STARD13: variants seen among roughly 807,000 people sequenced by gnomAD.
STARD13 encodes the protein stAR-related lipid transfer protein 13.
Under a neutral mutation model 106.4 loss-of-function variants are expected in STARD13, and 62 were observed. That is an observed-to-expected ratio of 0.58 (90% CI 0.48 to 0.72). The LOEUF (loss-of-function observed/expected upper bound fraction) is 0.72. Among genes scored for constraint, STARD13 ranks in the 30% least tolerant of loss-of-function variants. The probability of loss-of-function intolerance (pLI) is 0.00; values close to 1 mark genes in which losing one functional copy is unlikely to be tolerated. For synonymous variants in STARD13, 565 were observed against 553.0 expected (o/e 1.02, Z -0.31); for missense variants, 1,387 against 1,424.0 (o/e 0.97, Z 0.42).
At chr13:33,274,230 T>C (rs1001269371) in intron 1 of STARD13, among the ~76,000 whole-genome samples, 2 of 152,088 alleles carry the variant, frequency 1.3e-5, no homozygotes, top group Non-Finnish European at 2.9e-5. Flanking sequence ...TATTTGAAGA[T>C]AGGGCCCTTA....
At chr13:33,337,209 A>T (rs2077906881) in intron 1 of STARD13, among the ~76,000 whole-genome samples, 1 of 152,212 alleles carries the variant, frequency 6.6e-6, no homozygotes, top group African/African-American at 2.4e-5. Flanking sequence ...GATAGGCTTT[A>T]TTACTACCTC....
At chr13:33,434,160 C>A in the STARD13 span, among the ~76,000 whole-genome samples, 1 of 152,014 alleles carries the variant, frequency 6.6e-6, no homozygotes, top group Non-Finnish European at 1.5e-5. Context: ...CAAGACCAGC[C>A]TGGCCAACAT....
At chr13:33,529,734 T>G in the STARD13 span, among the ~76,000 whole-genome samples, 1 of 152,158 alleles carries the variant, frequency 6.6e-6, no homozygotes, top group African/African-American at 2.4e-5. Flanking sequence ...TGGTAACCTT[T>G]AAACTAAATT....
chr13:33,404,148 T>G, the STARD13 span, among the ~76,000 whole-genome samples: 10 of 152,226 alleles, frequency 6.6e-5, no homozygotes, highest in Non-Finnish European at 1.3e-4. Context: ...TCATGGGTAG[T>G]GGGAAAGACG....
intron 1 of STARD13, among the ~76,000 whole-genome samples, chr13:33,210,012 A>C (rs1412330807): frequency 1.3e-5 from 2 of 152,190 alleles, no homozygotes; most frequent in East Asian, 3.9e-4. Flanking sequence ...GTCCAGTTCC[A>C]GCTTCATGCA....
At chr13:33,221,167 T>C (rs1594125526) in intron 1 of STARD13, among the ~76,000 whole-genome samples, 1 of 152,212 alleles carries the variant, frequency 6.6e-6, no homozygotes, top group Non-Finnish European at 1.5e-5. Flanking sequence ...ATTAAATATA[T>C]ATTTATGCAA....
chr13:33,108,021 CG>C (rs1874006686), intron 12 of STARD13, among the ~76,000 whole-genome samples: 1 of 152,216 alleles, frequency 6.6e-6, no homozygotes, highest in Non-Finnish European at 1.5e-5. Context: ...AAATGCTCAG[CG>C]ACTTCCATGC....
intron 1 of STARD13, among the ~76,000 whole-genome samples, chr13:33,315,705 C>T (rs1893306745): frequency 6.6e-6 from 1 of 152,080 alleles, no homozygotes; most frequent in Non-Finnish European, 1.5e-5. Flanking sequence ...AGTTTAACTA[C>T]CTTTTAATTT....
At chr13:33,138,122 T>A (rs1036165546) in intron 4 of STARD13, among the ~76,000 whole-genome samples, 2 of 152,234 alleles carry the variant, frequency 1.3e-5, no homozygotes, top group Non-Finnish European at 2.9e-5. Flanking sequence ...GAAGCTGCTC[T>A]TTCTCTCTTG....
intron 12 of STARD13, among the ~76,000 whole-genome samples, chr13:33,107,299 A>T (rs1873895120): frequency 6.6e-6 from 1 of 152,204 alleles, no homozygotes; most frequent in African/African-American, 2.4e-5. Context: ...AATTAAGCAG[A>T]TAGACATGCC....
the STARD13 span, among the ~76,000 whole-genome samples, chr13:33,488,676 C>A: frequency 6.6e-6 from 1 of 152,208 alleles, no homozygotes; most frequent in African/African-American, 2.4e-5. Flanking sequence ...CACTTTCAAG[C>A]TTTTGAATCT....
the STARD13 span, among the ~76,000 whole-genome samples, chr13:33,635,269 C>T: frequency 6.6e-6 from 1 of 151,992 alleles, no homozygotes; most frequent in Non-Finnish European, 1.5e-5. Context: ...GTTAAAATCC[C>T]GTTTCTAACA....
chr13:33,317,593 T>C (rs1443275747), intron 1 of STARD13, among the ~76,000 whole-genome samples: 1 of 152,132 alleles, frequency 6.6e-6, no homozygotes, highest in Non-Finnish European at 1.5e-5. Context: ...TCTCCTCAAA[T>C]ATCACCATCC....
the STARD13 span, among the ~76,000 whole-genome samples, chr13:33,477,331 A>T: frequency 0.52 from 79,054 of 151,930 alleles, 21,432 homozygotes; most frequent in African/African-American, 0.68. Flanking sequence ...TGGCTATAAG[A>T]CTTTTGATTC....
At chr13:33,356,760 A>T in the STARD13 span, among the ~76,000 whole-genome samples, 18 of 152,226 alleles carry the variant, frequency 1.2e-4, no homozygotes, top group African/African-American at 4.3e-4. Context: ...TGCAATTCTC[A>T]TGAGATTCCA....
the STARD13 span, among the ~76,000 whole-genome samples, chr13:33,507,384 T>C: frequency 6.6e-6 from 1 of 152,206 alleles, no homozygotes; most frequent in East Asian, 1.9e-4. Flanking sequence ...TTTGGGATTA[T>C]TATTGTTATT....
intron 3 of STARD13, among the ~76,000 whole-genome samples, chr13:33,154,172 T>C (rs1881661985): frequency 6.6e-6 from 1 of 152,136 alleles, no homozygotes; most frequent in Non-Finnish European, 1.5e-5. Context: ...TCGGGCGCAC[T>C]GGGGGCAGGG....
intron 1 of STARD13, among the ~76,000 whole-genome samples, chr13:33,251,520 G>A (rs142111731): frequency 7.2e-5 from 11 of 152,306 alleles, no homozygotes; most frequent in African/African-American, 2.6e-4. Flanking sequence ...CTAATTTGCA[G>A]AGCTTTTGGT....
At chr13:33,112,017 C>A (rs56744003) in intron 9 of STARD13, 125 bp from the exon 10 acceptor site, 8,892 of 600,944 alleles carry the variant, frequency 0.015, 558 homozygotes, top group African/African-American at 0.14. Flanking sequence ...TTTGCGTTTC[C>A]AAATAAAAAC....
Sources: allele counts gnomAD v4.1 joint callset (sites outside exome capture counted in the v4.1 genomes callset), GRCh38; gene constraint gnomAD v4.1.1; transcripts MANE v1.5; gene names NCBI Gene and HGNC (gene_info 2026-07-23, HGNC 2026-07-21).